The following SYT17 variants were observed in gnomAD, a reference collection of about 807,000 sequenced individuals.
SYT17 encodes synaptotagmin-17.
SYT17 carries 22 observed loss-of-function variants against 46.7 expected under a neutral mutation model. The observed-to-expected ratio is 0.47, with a 90% CI of 0.34 to 0.67. The LOEUF (loss-of-function observed/expected upper bound fraction) is 0.67, where lower values mean the gene tolerates loss of function less well. SYT17 is among the 30% of genes least tolerant of loss of function. The pLI is 0.01. For synonymous variants in SYT17, 251 were observed against 248.4 expected (o/e 1.01, Z -0.10); for missense variants, 519 against 612.8 (o/e 0.85, Z 1.62).
intron 7 of SYT17, among the ~76,000 whole-genome samples, chr16:19,259,649 C>T (rs896983641): frequency 3.3e-5 from 5 of 151,638 alleles, no homozygotes; most frequent in African/African-American, 1.2e-4. Flanking sequence ...GGATTTTGTA[C>T]ATAGACTTGT....
At position 19,225,157 on chromosome 16, in the gene SYT17, T is replaced by C. The variant is rs567161597; in HGVS notation, c.1228+319T>C. ...GTGAACAATAATAGTACGTGTGGCA[T>C]AGGTTTGTTGTGAACAGTAAATGAC... is the stretch of plus-strand genomic sequence containing the variant. On this transcript the variant is annotated intron_variant, in intron 7 of 7. Coordinates refer to ENST00000355377, the MANE Select transcript of SYT17 (RefSeq NM_016524.4). 3.3e-5 allele frequency among the ~76,000 whole-genome samples: 5 copies of C among 152,316 alleles called. No individual in the cohort carries two copies. In the South Asian group the frequency reaches 8.3e-4, roughly 25 times the overall value.
At chr16:19,179,593 A>C (rs1964464192) in intron 3 of SYT17, among the ~76,000 whole-genome samples, 1 of 152,144 alleles carries the variant, frequency 6.6e-6, no homozygotes, top group Non-Finnish European at 1.5e-5. Flanking sequence ...GTGTTAACTC[A>C]TTCAGTGTTT....
intron 5 of SYT17, among the ~76,000 whole-genome samples, chr16:19,206,157 A>G (rs1375384079): frequency 6.6e-6 from 1 of 152,244 alleles, no homozygotes; most frequent in Non-Finnish European, 1.5e-5. Flanking sequence ...AAAGGTGACT[A>G]GGAGTTGAAT....
Position 19,267,264 on chromosome 16 carries a change from A to C in SYT17, c.*188A>C. 1 of 491,946 alleles carries C rather than the reference A, an allele frequency of 2.0e-6. No individual in the cohort carries two copies. Among genetic ancestry groups the C allele is most frequent in the Non-Finnish European group, 3.2e-6 (1 of 309,980 alleles). The allele number at this position is 491,946 out of a possible 1,614,324, so 30.5% of individuals were successfully genotyped here. ...AGAGGAAGCTGACTATTGATCACAA[A>C]ATGGCCGCCCTCAGTTGAGTGAGGC... is the stretch of plus-strand genomic sequence containing the variant. On this transcript the variant is annotated 3_prime_UTR_variant, in exon 8 of 8. Coordinates refer to ENST00000355377, the MANE Select transcript of SYT17 (RefSeq NM_016524.4).
chr16:19,189,103 T>G (rs1004035068), intron 5 of SYT17, among the ~76,000 whole-genome samples: 3 of 152,074 alleles, frequency 2.0e-5, no homozygotes, highest in African/African-American at 7.2e-5. Flanking sequence ...AGCCAGGATG[T>G]TCTCAATCTC....
rs1966724404 is a variant in SYT17, at chr16:19,232,196, C to T, written c.1228+7358C>T. Among the ~76,000 whole-genome samples the T allele has an allele frequency of 8.5e-5, 13 of 152,280 alleles. 1 individual carries two copies. The South Asian group carries it at 2.7e-3, about 32-fold the overall frequency. ...TGACCAGGGCATAGGCTTAGAGGGG[C>T]CTCATCAATAATAACCAGTGCAGGA... On this transcript the variant is annotated intron_variant, in intron 7 of 7. Coordinates refer to ENST00000355377, the MANE Select transcript of SYT17 (RefSeq NM_016524.4).
At chr16:19,247,514 G>A (rs1967669691) in intron 7 of SYT17, among the ~76,000 whole-genome samples, 1 of 151,882 alleles carries the variant, frequency 6.6e-6, no homozygotes, top group Non-Finnish European at 1.5e-5. Context: ...TTACAGGCAT[G>A]AGCCACTGCA....
intron 5 of SYT17, among the ~76,000 whole-genome samples, chr16:19,206,753 G>A (rs1324786824): frequency 6.6e-6 from 1 of 152,048 alleles, no homozygotes; most frequent in Non-Finnish European, 1.5e-5. Flanking sequence ...GTGTGTCTTA[G>A]TCCATGTTTC....
intron 1 of SYT17, 22 bp from the exon 2 acceptor site, chr16:19,172,738 A>G: frequency 1.2e-6 from 2 of 1,610,610 alleles, no homozygotes; most frequent in Admixed American, 1.7e-5. Flanking sequence ...CCTTGGCTTC[A>G]TCGTGGATCT....
intron 5 of SYT17, among the ~76,000 whole-genome samples, chr16:19,208,440 G>C (rs947667875): frequency 3.3e-5 from 5 of 152,160 alleles, no homozygotes; most frequent in African/African-American, 1.2e-4. Flanking sequence ...GGGAAGCAAA[G>C]CACGGCTTAC....
intron 2 of SYT17, 67 bp from the exon 3 acceptor site, chr16:19,173,363 C>T (rs972486346): frequency 3.0e-6 from 3 of 986,252 alleles, no homozygotes; most frequent in Non-Finnish European, 4.3e-6. Context: ...TTCTCCTCTT[C>T]CTCTTCCCCA....
At chr16:19,185,981 A>G (rs1266264495) in intron 5 of SYT17, among the ~76,000 whole-genome samples, 2 of 152,136 alleles carry the variant, frequency 1.3e-5, no homozygotes. Flanking sequence ...TTCTTGCGGT[A>G]GAGGAGCTGG....
At chr16:19,181,511 CAG>C (rs780470948) in intron 4 of SYT17, among the ~76,000 whole-genome samples, 9 of 151,794 alleles carry the variant, frequency 5.9e-5, no homozygotes, top group Non-Finnish European at 4.4e-5. Flanking sequence ...AATAGTGAAA[CAG>C]AGGGAGCACT....
chr16:19,242,141 G>A (rs1010554315), intron 7 of SYT17, among the ~76,000 whole-genome samples: 9 of 152,206 alleles, frequency 5.9e-5, no homozygotes, highest in African/African-American at 2.2e-4. Context: ...TTGAGGTGCT[G>A]CATTAGTTGC....
At chr16:19,208,884 CTTTTTTTTTTTTT>C (rs1191498524) in intron 5 of SYT17, among the ~76,000 whole-genome samples, 1 of 63,284 alleles carries the variant, frequency 1.6e-5, no homozygotes, top group Non-Finnish European at 2.8e-5. Flanking sequence ...CAAGGACCTT[CTTTTTTTTTTTTT>C]TTTTTTTTTT....
At chr16:19,173,962 C>G in intron 3 of SYT17, among the ~76,000 whole-genome samples, 1 of 152,164 alleles carries the variant, frequency 6.6e-6, no homozygotes, top group South Asian at 2.1e-4. Context: ...GGTTTCCATC[C>G]AAGTCAGCGT....
chr16:19,193,693 G>A (rs1965117028), intron 5 of SYT17, among the ~76,000 whole-genome samples: 1 of 152,176 alleles, frequency 6.6e-6, no homozygotes, highest in South Asian at 2.1e-4. Context: ...GAGAAGGGAG[G>A]AAATGAGACC....
chr16:19,178,603 T>C (rs1250656483), intron 3 of SYT17, among the ~76,000 whole-genome samples: 1 of 152,156 alleles, frequency 6.6e-6, no homozygotes. Flanking sequence ...CTGATAACAC[T>C]TTTGAAGAAC....
intron 7 of SYT17, among the ~76,000 whole-genome samples, chr16:19,258,671 CAG>C (rs968787100): frequency 1.4e-4 from 21 of 152,088 alleles, no homozygotes; most frequent in African/African-American, 4.8e-4. Flanking sequence ...ATAACAGAAA[CAG>C]GGGAGATGGA....
Sources: allele counts gnomAD v4.1 joint callset (sites outside exome capture counted in the v4.1 genomes callset), GRCh38; gene constraint gnomAD v4.1.1; transcripts MANE v1.5; gene names NCBI Gene and HGNC (gene_info 2026-07-23, HGNC 2026-07-21).